Variants in C13orf46 observed in about 807,000 individuals in gnomAD.
C13orf46 encodes uncharacterized protein C13orf46.
chr13:113,947,994 G>T, the C13orf46 span, among the ~76,000 whole-genome samples: 103 of 152,362 alleles, frequency 6.8e-4, 4 homozygotes, highest in Admixed American at 3.9e-3. Context: ...TGCTGCCCCA[G>T]CGCCCATCGG....
chr13:113,965,773 ATGG>A (rs1488199745), intron 5 of C13orf46, among the ~76,000 whole-genome samples: 1,565 of 147,514 alleles, frequency 0.011, 25 homozygotes, highest in African/African-American at 0.039. Context: ...GATGATGGTG[ATGG>A]TGATGATGGT....
the C13orf46 span, among the ~76,000 whole-genome samples, chr13:113,939,321 G>GGGGACCACCCGATGGGGAGGACA: frequency 2.0e-5 from 3 of 152,176 alleles, no homozygotes; most frequent in Non-Finnish European, 4.4e-5. Flanking sequence ...AGAGCCAGAA[G>GGGGACCACCCGATGGGGAGGACA]GGGACCACCC....
chr13:113,966,176 G>A (rs2052644461), intron 5 of C13orf46, among the ~76,000 whole-genome samples: 1 of 75,296 alleles, frequency 1.3e-5, no homozygotes, highest in South Asian at 4.4e-4. Flanking sequence ...TGATGGTGAT[G>A]ATGATGATGG....
In C13orf46 at chr13:113,970,161, G is replaced by A. The variant is rs1192126841; in HGVS notation, c.242+10C>T. 1 of 152,238 alleles carries A rather than the reference G, an allele frequency of 6.6e-6. No individual in the cohort carries two copies. Among genetic ancestry groups the A allele is most frequent in the African/African-American group, 2.4e-5 (1 of 41,408 alleles). 9.4% of individuals were successfully genotyped at this position (152,238 alleles called of 1,614,324 possible). A position where few individuals can be genotyped will look rare whatever the true frequency, so the allele number is the denominator to read the frequency against. ...CCTTCACAAAGGCCAGCGTCGGACA[G>A]GCTGCTTACCAGCTGGCATCTTCCG... is the stretch of plus-strand genomic sequence containing the variant. On this transcript the variant is annotated intron_variant, in intron 2 of 6. Transcript: ENST00000636427.
chr13:113,932,584 T>A, the C13orf46 span, among the ~76,000 whole-genome samples: 2 of 152,254 alleles, frequency 1.3e-5, no homozygotes, highest in Non-Finnish European at 2.9e-5. Context: ...TTTTGTCTCA[T>A]TATTGTGTTG....
chr13:113,961,663 G>C (rs2052587779), intron 6 of C13orf46, among the ~76,000 whole-genome samples: 1 of 152,122 alleles, frequency 6.6e-6, no homozygotes, highest in African/African-American at 2.4e-5. Context: ...AATATTAAGA[G>C]CACAATTAAT....
chr13:113,952,269 G>A (rs1349043198), downstream of C13orf46, among the ~76,000 whole-genome samples: 1 of 145,814 alleles, frequency 6.9e-6, no homozygotes, highest in African/African-American at 2.6e-5. Context: ...CTGTGCTGCT[G>A]TGTGGCCGCC....
chr13:113,947,503 C>T, the C13orf46 span, among the ~76,000 whole-genome samples: 1 of 152,074 alleles, frequency 6.6e-6, no homozygotes, highest in East Asian at 1.9e-4. Flanking sequence ...GAGCTCAGGG[C>T]CTGATGGGGC....
downstream of C13orf46, among the ~76,000 whole-genome samples, chr13:113,952,494 C>A (rs1445244838): frequency 3.5e-4 from 54 of 152,328 alleles, no homozygotes; most frequent in East Asian, 6.0e-3. Flanking sequence ...CCATCTCCCC[C>A]AGCCTGGGAG....
the C13orf46 span, among the ~76,000 whole-genome samples, chr13:113,931,252 C>T: frequency 6.6e-6 from 1 of 152,176 alleles, no homozygotes. Context: ...TAAATGAAAC[C>T]CAACAGCGTG....
the C13orf46 span, among the ~76,000 whole-genome samples, chr13:113,932,097 T>A: frequency 6.6e-6 from 1 of 152,236 alleles, no homozygotes; most frequent in African/African-American, 2.4e-5. Context: ...CAACAATTCA[T>A]CCTTTCAATG....
the C13orf46 span, among the ~76,000 whole-genome samples, chr13:113,940,433 G>A: frequency 1.3e-5 from 2 of 152,238 alleles, no homozygotes; most frequent in Non-Finnish European, 2.9e-5. Flanking sequence ...TCTGCGTGAG[G>A]ATGGGCGTCT....
the C13orf46 span, among the ~76,000 whole-genome samples, chr13:113,936,160 G>A: frequency 6.6e-6 from 1 of 152,228 alleles, no homozygotes; most frequent in Non-Finnish European, 1.5e-5. Context: ...CAGCCCAGGT[G>A]AGTGTGGCTG....
chr13:113,951,518 C>T (rs967393908), downstream of C13orf46, among the ~76,000 whole-genome samples: 4 of 152,212 alleles, frequency 2.6e-5, no homozygotes, highest in South Asian at 2.1e-4. Flanking sequence ...AGATCCCGGC[C>T]GGGTTTCCAG....
At chr13:113,945,674 A>AAAGAAAGAGGG in the C13orf46 span, among the ~76,000 whole-genome samples, 5 of 137,750 alleles carry the variant, frequency 3.6e-5, no homozygotes, top group African/African-American at 1.3e-4. Context: ...GAAAGAAAGG[A>AAAGAAAGAGGG]AAGAAAAACA....
At chr13:113,972,755 C>A (rs1229356351) in intron 1 of C13orf46, among the ~76,000 whole-genome samples, 1 of 152,210 alleles carries the variant, frequency 6.6e-6, no homozygotes, top group African/African-American at 2.4e-5. Context: ...GCCCAGAGCT[C>A]CTGGCAGGGA....
At chr13:113,933,478 A>C in the C13orf46 span, among the ~76,000 whole-genome samples, 8 of 152,128 alleles carry the variant, frequency 5.3e-5, no homozygotes, top group Non-Finnish European at 8.8e-5. Flanking sequence ...TGCTTTGGTT[A>C]CTCCAAGTCC....
downstream of C13orf46, among the ~76,000 whole-genome samples, chr13:113,953,422 C>T (rs1040236947): frequency 3.3e-5 from 5 of 152,168 alleles, no homozygotes; most frequent in African/African-American, 1.2e-4. Context: ...CCCTTCCCAC[C>T]CCAGCACTGG....
intron 2 of C13orf46, among the ~76,000 whole-genome samples, chr13:113,969,712 C>T (rs1373536585): frequency 3.9e-5 from 6 of 152,264 alleles, no homozygotes; most frequent in South Asian, 2.1e-4. Flanking sequence ...GAACGGGACG[C>T]GAGGTGCAGG....
Sources: gnomAD v4.1 joint callset for allele counts (sites outside exome capture counted in the v4.1 genomes callset) on GRCh38, gnomAD v4.1.1 for gene constraint, MANE v1.5 for transcripts, NCBI Gene and HGNC (gene_info 2026-07-23, HGNC 2026-07-21) for gene names.